EPHA6: variants seen among roughly 807,000 people sequenced by gnomAD.
The protein encoded by EPHA6 is ephrin type-A receptor 6.
Under a neutral mutation model 112.0 loss-of-function variants are expected in EPHA6, and 50 were observed. That is an observed-to-expected ratio of 0.45 (90% CI 0.36 to 0.56). The LOEUF (loss-of-function observed/expected upper bound fraction) is 0.56. EPHA6 is among the 20% of genes least tolerant of loss of function. The pLI is 0.00. For synonymous variants in EPHA6, 529 were observed against 490.7 expected (o/e 1.08, Z -1.03); for missense variants, 1,280 against 1,417.4 (o/e 0.90, Z 1.56).
chr3:97,402,475 G>A (rs2087051088), intron 5 of EPHA6, among the ~76,000 whole-genome samples: 1 of 151,914 alleles, frequency 6.6e-6, no homozygotes, highest in Admixed American at 6.6e-5. Context: ...TTTTTGGCTT[G>A]CATTTGCATG....
chr3:97,054,663 T>C (rs772952499), intron 3 of EPHA6, among the ~76,000 whole-genome samples: 5 of 151,592 alleles, frequency 3.3e-5, no homozygotes, highest in Admixed American at 6.7e-5. Context: ...ACATCTTGAA[T>C]ATAACAATCA....
chr3:96,880,457 A>G (rs2037245600), intron 2 of EPHA6, among the ~76,000 whole-genome samples: 1 of 152,168 alleles, frequency 6.6e-6, no homozygotes, highest in South Asian at 2.1e-4. Context: ...TTTAAAATAC[A>G]AGTCAAATTT....
At chr3:97,106,302 C>G (rs1471043837) in intron 3 of EPHA6, among the ~76,000 whole-genome samples, 1 of 152,028 alleles carries the variant, frequency 6.6e-6, no homozygotes, top group Non-Finnish European at 1.5e-5. Flanking sequence ...AAGGCAAACT[C>G]AGACTGATTC....
chr3:97,086,845 A>G (rs1195682916), intron 3 of EPHA6, among the ~76,000 whole-genome samples: 1 of 143,996 alleles, frequency 6.9e-6, no homozygotes. Flanking sequence ...GTACTAATCT[A>G]TAATTTATAG....
intron 14 of EPHA6, among the ~76,000 whole-genome samples, chr3:97,670,382 A>C (rs2030684105): frequency 6.6e-6 from 1 of 152,200 alleles, no homozygotes; most frequent in African/African-American, 2.4e-5. Context: ...CAGTTGTAGA[A>C]AATATAATAT....
chr3:96,871,667 A>G (rs1316569593), intron 2 of EPHA6, among the ~76,000 whole-genome samples: 1 of 152,042 alleles, frequency 6.6e-6, no homozygotes, highest in Non-Finnish European at 1.5e-5. Context: ...GAAAAATGCT[A>G]TTTTGTGTAC....
intron 1 of EPHA6, among the ~76,000 whole-genome samples, chr3:96,843,494 T>G (rs965431100): frequency 6.6e-6 from 1 of 151,120 alleles, no homozygotes; most frequent in African/African-American, 2.5e-5. Context: ...TAGCTTAGGT[T>G]AGTTAGGAAG....
intron 14 of EPHA6, among the ~76,000 whole-genome samples, chr3:97,701,519 T>C (rs2033387678): frequency 6.6e-6 from 1 of 152,150 alleles, no homozygotes. Context: ...TGATATCTAA[T>C]ACATATTTTG....
intron 3 of EPHA6, among the ~76,000 whole-genome samples, chr3:97,087,241 A>C (rs2046930538): frequency 6.6e-6 from 1 of 152,148 alleles, no homozygotes; most frequent in African/African-American, 2.4e-5. Context: ...CTGTTCTCCC[A>C]GACTGCAACA....
intron 3 of EPHA6, among the ~76,000 whole-genome samples, chr3:97,127,913 TAG>T (rs1197468439): frequency 1.3e-5 from 2 of 152,032 alleles, no homozygotes; most frequent in Non-Finnish European, 2.9e-5. Context: ...CATAGATTTT[TAG>T]TTACATAGAT....
chr3:97,479,373 C>T lies in EPHA6; in HGVS notation c.2074+9C>T, dbSNP rs756709133. On this transcript the variant is annotated intron_variant, in intron 9 of 17. Coordinates refer to ENST00000389672, the MANE Select transcript of EPHA6 (RefSeq NM_001080448.3). Reference sequence around the variant, plus strand: ...CTTACAGAATGGGCATTGTAAGTAGCGCAGGGACTTTCTTTCATTATTTTG... The same window carrying T: ...CTTACAGAATGGGCATTGTAAGTAGTGCAGGGACTTTCTTTCATTATTTTG... 1.7e-5 allele frequency: 27 copies of T among 1,580,400 alleles called. No homozygotes were observed. Among genetic ancestry groups the T allele is most frequent in the African/African-American group, 9.6e-5 (7 of 73,096 alleles).
At chr3:97,335,994 A>G (rs1297061618) in intron 5 of EPHA6, among the ~76,000 whole-genome samples, 1 of 152,012 alleles carries the variant, frequency 6.6e-6, no homozygotes, top group Non-Finnish European at 1.5e-5. Flanking sequence ...GTGCCAACTG[A>G]TCTATTGAGT....
At chr3:97,421,170 G>A (rs1234293687) in intron 6 of EPHA6, among the ~76,000 whole-genome samples, 1 of 151,908 alleles carries the variant, frequency 6.6e-6, no homozygotes, top group Non-Finnish European at 1.5e-5. Context: ...CTAAATATTA[G>A]AGGATCTCGC....
At chr3:97,172,100 G>C (rs954981426) in intron 3 of EPHA6, among the ~76,000 whole-genome samples, 1 of 151,998 alleles carries the variant, frequency 6.6e-6, no homozygotes, top group Non-Finnish European at 1.5e-5. Flanking sequence ...CCAAAAAAGT[G>C]GTGGGTGCTG....
intron 2 of EPHA6, among the ~76,000 whole-genome samples, chr3:96,984,277 G>T (rs1449470113): frequency 6.6e-5 from 10 of 152,136 alleles, no homozygotes; most frequent in Non-Finnish European, 1.3e-4. Flanking sequence ...TAACAGTCAG[G>T]ACCCTCAGCT....
intron 14 of EPHA6, among the ~76,000 whole-genome samples, chr3:97,684,010 T>G (rs1348566009): frequency 6.6e-6 from 1 of 152,136 alleles, no homozygotes; most frequent in East Asian, 1.9e-4. Flanking sequence ...CACACTTAGG[T>G]GCTGCTTGAA....
intron 5 of EPHA6, among the ~76,000 whole-genome samples, chr3:97,254,171 T>C (rs1395917664): frequency 6.6e-6 from 1 of 151,914 alleles, no homozygotes; most frequent in Non-Finnish European, 1.5e-5. Flanking sequence ...TATATATATA[T>C]ATATGTTTTT....
At chr3:97,665,988 C>T (rs1387112052) in intron 14 of EPHA6, among the ~76,000 whole-genome samples, 4 of 149,788 alleles carry the variant, frequency 2.7e-5, no homozygotes, top group Non-Finnish European at 5.9e-5. Context: ...ACCAGGGAGG[C>T]GGAGGTTGCA....
intron 3 of EPHA6, among the ~76,000 whole-genome samples, chr3:97,071,388 G>T (rs548306712): frequency 1.3e-5 from 2 of 151,844 alleles, no homozygotes; most frequent in South Asian, 4.2e-4. Context: ...CCGTTTTTAT[G>T]CTGCTGATAA....
Sources: gnomAD v4.1 joint callset for allele counts (sites outside exome capture counted in the v4.1 genomes callset) on GRCh38, gnomAD v4.1.1 for gene constraint, MANE v1.5 for transcripts, NCBI Gene and HGNC (gene_info 2026-07-23, HGNC 2026-07-21) for gene names.